Variants in BOP1 observed in about 807,000 individuals in gnomAD.
The protein encoded by BOP1 is BOP1 ribosomal biogenesis factor, also known as ribosome biogenesis protein BOP1.
Under a neutral mutation model 82.9 loss-of-function variants are expected in BOP1, and 54 were observed. That is an observed-to-expected ratio of 0.65 (90% CI 0.52 to 0.82). The LOEUF (loss-of-function observed/expected upper bound fraction) is 0.82, where lower values mean the gene tolerates loss of function less well. Ranked by LOEUF, BOP1 falls within the 40% of genes least tolerant of loss-of-function variation. The pLI is 0.00. For synonymous variants in BOP1, 566 were observed against 451.1 expected (o/e 1.25, Z -3.23); for missense variants, 1,170 against 1,072.0 (o/e 1.09, Z -1.28).
chr8:144,283,374 T>C (rs1814771916), intron 2 of BOP1, among the ~76,000 whole-genome samples: 1 of 152,142 alleles, frequency 6.6e-6, no homozygotes, highest in Non-Finnish European at 1.5e-5. Flanking sequence ...GCAACAGCCA[T>C]GAGGGTTTCC....
In BOP1 at chr8:144,262,879, A is replaced by T; in HGVS notation, c.1868T>A (p.Val623Glu). 2 of 1,380,678 alleles carry T rather than the reference A, an allele frequency of 1.4e-6. No individual in the cohort carries two copies. The highest frequency in any genetic ancestry group is 1.9e-6 in the Non-Finnish European group (2 of 1,051,526). The allele number at this position is 1,380,678 out of a possible 1,614,324, so 85.5% of individuals were successfully genotyped here. A position where few individuals can be genotyped will look rare whatever the true frequency, so the allele number is the denominator to read the frequency against. Reference sequence around the variant, plus strand: ...TGCAGGGTGCACCGCCAGGCTGGACACCCACTTGCAGTTGGGCATCAGCTT... The same window carrying T: ...TGCAGGGTGCACCGCCAGGCTGGACTCCCACTTGCAGTTGGGCATCAGCTT... ...TKKLMPNCKW[V>E]SSLAVHPAGD... The change falls in exon 13 of 16, where the codon GTG becomes GAG. Residue 623 changes from valine to glutamate, a missense_variant. Coordinates refer to ENST00000569669, the MANE Select transcript of BOP1 (RefSeq NM_015201.5).
chr8:144,289,381 T>C lies in BOP1; in HGVS notation c.100-77A>G, dbSNP rs571974706. On this transcript the variant is annotated intron_variant, in intron 1 of 15. Coordinates refer to ENST00000569669, the MANE Select transcript of BOP1 (RefSeq NM_015201.5). ...TGAACACTGCAGGGAGAGCTGCCTCTCGCCCCTCCAGCCACCCACCAGCAG... is the reference window on the plus strand; with the variant it reads ...TGAACACTGCAGGGAGAGCTGCCTCCCGCCCCTCCAGCCACCCACCAGCAG... 16 of 1,489,258 alleles carry C rather than the reference T, an allele frequency of 1.1e-5. 1 individual carries two copies. In the South Asian group the frequency reaches 1.9e-4, roughly 18 times the overall value. The allele number at this position is 1,489,258 out of a possible 1,614,324, so 92.3% of individuals were successfully genotyped here. A position where few individuals can be genotyped will look rare whatever the true frequency, so the allele number is the denominator to read the frequency against.
In BOP1 at chr8:144,264,822, C is replaced by T; in HGVS notation, c.555G>A (p.Val185=). ...KMDDPDYWRT[V]QDPMTGRDLR... ...GGTCCCGCCCTGTCATCGGGTCCTG[C>T]ACGGTGCGCCTGGAGACCGCCAGTC... The change falls in exon 5 of 16, where the codon GTG becomes GTA. Residue 185 remains valine, a synonymous_variant. Coordinates refer to ENST00000569669, the MANE Select transcript of BOP1 (RefSeq NM_015201.5). 1 of 1,609,354 alleles carries T rather than the reference C, an allele frequency of 6.2e-7. No individual in the cohort carries two copies. Among genetic ancestry groups the T allele is most frequent in the Non-Finnish European group, 8.5e-7 (1 of 1,179,184 alleles).
chr8:144,271,888 C>A (rs1258254239), intron 3 of BOP1, among the ~76,000 whole-genome samples: 3 of 152,176 alleles, frequency 2.0e-5, no homozygotes, highest in Non-Finnish European at 4.4e-5. Context: ...GGCACCTCCA[C>A]CACTGGAGAG....
intron 3 of BOP1, among the ~76,000 whole-genome samples, chr8:144,271,209 G>T (rs1554837735): frequency 0.035 from 5,396 of 152,148 alleles, 99 homozygotes; most frequent in Middle Eastern, 0.071. Flanking sequence ...GTGTCGGCTG[G>T]GATTTTTCCG....
intron 3 of BOP1, among the ~76,000 whole-genome samples, chr8:144,272,407 C>G (rs1402658398): frequency 6.6e-6 from 1 of 152,172 alleles, no homozygotes; most frequent in Admixed American, 6.5e-5. Flanking sequence ...GGGACGTACA[C>G]CCAGACCCAG....
intron 3 of BOP1, among the ~76,000 whole-genome samples, chr8:144,268,894 G>A (rs1434547465): frequency 2.6e-5 from 4 of 152,180 alleles, no homozygotes; most frequent in East Asian, 3.9e-4. Flanking sequence ...AGGGTGAGGA[G>A]GGCGCTGCAG....
chr8:144,276,272 C>T lies in BOP1; in HGVS notation c.342G>A (p.Ala114=), dbSNP rs996626881. 10 of 1,613,486 alleles carry T rather than the reference C, an allele frequency of 6.2e-6. No homozygotes were observed. The highest frequency in any genetic ancestry group is 1.7e-5 in the Admixed American group (1 of 60,006). ...CATACTCATCCCCAATCCGGGCGCTCGCCATCTCTGTCCTCGGGCAAGGAG... is the reference window on the plus strand; with the variant it reads ...CATACTCATCCCCAATCCGGGCGCTTGCCATCTCTGTCCTCGGGCAAGGAG... ...ASTPCPRTEM[A]SARIGDEYAE... Residue 114 remains alanine (A), a synonymous_variant, in exon 3 of 16, where the codon GCG becomes GCA. Coordinates refer to ENST00000569669, the MANE Select transcript of BOP1 (RefSeq NM_015201.5).
intron 2 of BOP1, among the ~76,000 whole-genome samples, chr8:144,284,428 C>T (rs1814811498): frequency 6.6e-6 from 1 of 152,224 alleles, no homozygotes; most frequent in South Asian, 2.1e-4. Flanking sequence ...CAACTGCCCA[C>T]CCACTGGAGC....
chr8:144,285,786 G>A lies in BOP1; in HGVS notation c.309+3309C>T, dbSNP rs191043618. 9.2e-5 allele frequency among the ~76,000 whole-genome samples: 14 copies of A among 152,366 alleles called. 1 individual carries two copies. Among genetic ancestry groups the A allele is most frequent in the Admixed American group, 7.8e-4 (12 of 15,306 alleles). Reference sequence around the variant, plus strand: ...AATCCTCCAGATGGCTGTGGCGGGCGAGGGTGTCTGGCAGAGCCCCTGGTG... The same window carrying A: ...AATCCTCCAGATGGCTGTGGCGGGCAAGGGTGTCTGGCAGAGCCCCTGGTG... On this transcript the variant is annotated intron_variant, in intron 2 of 15. Transcript: ENST00000569669.
chr8:144,282,823 C>G (rs1845705930), intron 2 of BOP1, among the ~76,000 whole-genome samples: 1 of 152,064 alleles, frequency 6.6e-6, no homozygotes, highest in South Asian at 2.1e-4. Context: ...AGACCCTGCT[C>G]CTTGAGTGCA....
intron 2 of BOP1, among the ~76,000 whole-genome samples, chr8:144,283,201 CAAAAAAAAAAAA>C (rs60868806): frequency 0.026 from 1,391 of 54,392 alleles, 41 homozygotes; most frequent in Middle Eastern, 0.069. Context: ...AACTCCATCT[CAAAAAAAAAAAA>C]AAAAAAAAAA....
rs1168639433 is a variant in BOP1 at position 144,265,015 on chromosome 8, G to A, written c.447C>T (p.His149=). Residue 149 remains histidine, a synonymous_variant, in exon 4 of 16, where the codon CAC becomes CAT. Coordinates refer to ENST00000569669, the MANE Select transcript of BOP1 (RefSeq NM_015201.5). ...GCCTGCCATCCAGGTCGTAGCCCAC[G>A]TGGGGGAAGTCATCGTACCACTCCA... ...VPLEWYDDFP[H]VGYDLDGRRI... The A allele has an allele frequency of 1.7e-5, 27 of 1,612,194 alleles. No individual in the cohort carries two copies. The highest frequency in any genetic ancestry group is 9.9e-5 in the South Asian group (9 of 91,072).
At chr8:144,266,810 C>T in intron 3 of BOP1, 1 of 1,160,744 alleles carries the variant, frequency 8.6e-7, no homozygotes, top group Non-Finnish European at 1.1e-6. Flanking sequence ...GGCGGGGGGC[C>T]AGGGGGCCGG....
In BOP1 at chr8:144,263,127, C is replaced by T; in HGVS notation, c.1620G>A (p.Val540=). ...GGTAGTCCCCACGCCCGTGCCAGGT[C>T]ACCTGCGTCACTGGCTGCAGGAGAG... ...RICHGKPVTQ[V]TWHGRGDYLA... is the part of the protein sequence containing the mutation. The change falls in exon 13 of 16, where the codon GTG becomes GTA. Residue 540 remains valine (V), a synonymous_variant. Transcript: ENST00000569669. 1.3e-6 allele frequency: 2 copies of T among 1,593,784 alleles called. No individual in the cohort carries two copies. Among genetic ancestry groups the T allele is most frequent in the South Asian group, 1.1e-5 (1 of 90,454 alleles).
chr8:144,265,803 T>G, intron 3 of BOP1: 1 of 153,392 alleles, frequency 6.5e-6, no homozygotes, highest in Non-Finnish European at 1.5e-5. Flanking sequence ...TAGGGGGCCA[T>G]CCCCAAATTG....
chr8:144,288,963 T>C, intron 2 of BOP1, 132 bp downstream of exon 2: 1 of 914,148 alleles, frequency 1.1e-6, no homozygotes, highest in South Asian at 1.5e-5. Flanking sequence ...GTGCCCCAGG[T>C]GCAGTGAAGG....
intron 1 of BOP1, among the ~76,000 whole-genome samples, chr8:144,290,511 CAG>C (rs1195123715): frequency 2.6e-5 from 4 of 152,216 alleles, no homozygotes; most frequent in African/African-American, 9.7e-5. Flanking sequence ...CTCTCTCACA[CAG>C]AGTCATGATG....
chr8:144,263,573 G>A lies in BOP1; in HGVS notation c.1329C>T (p.Ala443=), dbSNP rs947316071. The A allele has an allele frequency of 1.2e-6, 2 of 1,603,434 alleles. No homozygotes were observed. Among genetic ancestry groups the A allele is most frequent in the African/African-American group, 1.3e-5 (1 of 74,994 alleles). ...DDGSLRLWEV[A]TARCVRTVPV... ...GAACAGTCCTCACACAGCGGGCAGTGGCCACCTCCCAGAGCCGCAGGGAGC... is the reference window on the plus strand; with the variant it reads ...GAACAGTCCTCACACAGCGGGCAGTAGCCACCTCCCAGAGCCGCAGGGAGC... The change falls in exon 11 of 16, where the codon GCC becomes GCT. Residue 443 remains alanine (A), a synonymous_variant. Transcript: ENST00000569669.
Sources: gnomAD v4.1 joint callset for allele counts (sites outside exome capture counted in the v4.1 genomes callset) on GRCh38, gnomAD v4.1.1 for gene constraint, MANE v1.5 for transcripts, NCBI Gene and HGNC (gene_info 2026-07-23, HGNC 2026-07-21) for gene names.